The following FHIT variants were observed in gnomAD, a reference collection of about 807,000 sequenced individuals.
FHIT encodes bis(5'-adenosyl)-triphosphatase.
FHIT carries 19 observed loss-of-function variants against 17.9 expected under a neutral mutation model. That is an observed-to-expected ratio of 1.06 (90% confidence interval 0.74 to 1.56). The LOEUF is 1.56. Among genes scored for constraint, FHIT ranks in the 40% most tolerant of loss-of-function variants. The probability of loss-of-function intolerance (pLI) is 0.00; values close to 1 mark genes in which losing one functional copy is unlikely to be tolerated. For missense variants in FHIT, 248 were observed against 189.2 expected (o/e 1.31, Z -1.82); for synonymous variants, 81 against 69.7 (o/e 1.16, Z -0.81).
rs138354814 is a variant in FHIT at position 60,416,398 on chromosome 3, G to A, written c.103+120462C>T. The stretch of plus-strand genomic sequence containing the variant: ...TTCTACACTCAGTAGAACAGATTTC[G>A]GTAACCTTTTCCTGTAAAGGGACAA... On this transcript the variant is annotated intron_variant, in intron 5 of 9. Coordinates refer to ENST00000492590, the MANE Select transcript of FHIT (RefSeq NM_002012.4). 6.6e-3 allele frequency among the ~76,000 whole-genome samples: 997 copies of A among 152,150 alleles called. 13 individuals carry two copies. Among genetic ancestry groups the A allele is most frequent in the Middle Eastern group, 0.017 (5 of 294 alleles).
chr3:60,169,967 TGGAA>T (rs1434199471), intron 5 of FHIT, among the ~76,000 whole-genome samples: 1 of 152,180 alleles, frequency 6.6e-6, no homozygotes, highest in Non-Finnish European at 1.5e-5. Context: ...ATGTAGCACA[TGGAA>T]TGGACCTCTG....
At chr3:60,205,159 G>T (rs1703114781) in intron 5 of FHIT, among the ~76,000 whole-genome samples, 1 of 151,874 alleles carries the variant, frequency 6.6e-6, no homozygotes, top group Admixed American at 6.6e-5. Context: ...CCACACAAAG[G>T]CTGGATCCCA....
At chr3:60,293,295 T>G (rs544902229) in intron 5 of FHIT, among the ~76,000 whole-genome samples, 1 of 152,288 alleles carries the variant, frequency 6.6e-6, no homozygotes, top group South Asian at 2.1e-4. Context: ...AGTAATAGAT[T>G]ACTCATGTCT....
intron 1 of FHIT, among the ~76,000 whole-genome samples, chr3:61,246,664 G>A (rs2040493653): frequency 6.6e-6 from 1 of 151,938 alleles, no homozygotes; most frequent in South Asian, 2.1e-4. Context: ...ATGGACACAG[G>A]GAGGGGAACA....
intron 8 of FHIT, among the ~76,000 whole-genome samples, chr3:59,810,539 C>T (rs1045535642): frequency 2.2e-4 from 34 of 152,178 alleles, no homozygotes; most frequent in African/African-American, 7.0e-4. Flanking sequence ...ACTTACCAAA[C>T]GAGTACATTT....
chr3:60,798,972 G>T (rs1701090784), intron 4 of FHIT, among the ~76,000 whole-genome samples: 1 of 151,892 alleles, frequency 6.6e-6, no homozygotes, highest in Non-Finnish European at 1.5e-5. Context: ...CTCCCAAAAT[G>T]TTGGGATTAC....
chr3:60,537,330 T>C (rs1292425709), intron 4 of FHIT: 2 of 272,192 alleles, frequency 7.3e-6, no homozygotes, highest in Non-Finnish European at 1.1e-5. Context: ...CCATCTATTT[T>C]GTCATGTCTG....
chr3:60,149,311 T>C (rs933375582), intron 5 of FHIT, among the ~76,000 whole-genome samples: 2 of 150,920 alleles, frequency 1.3e-5, no homozygotes, highest in Admixed American at 6.6e-5. Flanking sequence ...CCAGCAGAAA[T>C]AGAATAGTGT....
chr3:60,125,406 C>T (rs566919090), intron 5 of FHIT, among the ~76,000 whole-genome samples: 1 of 152,076 alleles, frequency 6.6e-6, no homozygotes, highest in South Asian at 2.1e-4. Flanking sequence ...CTGAGGCGGT[C>T]GGATCGCCTG....
chr3:60,555,844 G>C (rs1419823892), intron 4 of FHIT, among the ~76,000 whole-genome samples: 4 of 152,164 alleles, frequency 2.6e-5, no homozygotes, highest in Admixed American at 2.0e-4. Flanking sequence ...GTTCAGGCCA[G>C]GTGGGACATT....
At chr3:60,085,443 G>C (rs986651) in intron 5 of FHIT, among the ~76,000 whole-genome samples, 144,613 of 152,278 alleles carry the variant, frequency 0.95, 68,739 homozygotes, top group African/African-American at 0.99. Context: ...ATCACTAACT[G>C]ATGCATGTGT....
intron 5 of FHIT, among the ~76,000 whole-genome samples, chr3:60,231,137 C>T (rs1704475709): frequency 3.9e-5 from 6 of 152,190 alleles, no homozygotes; most frequent in Admixed American, 3.9e-4. Flanking sequence ...CTGAGCCATG[C>T]TCATATTTGT....
Position 60,906,786 on chromosome 3 carries a change from G to T in FHIT, c.-110-84775C>A, listed in dbSNP as rs189219715. ...TTATAATTTGTGTATTTTTTTGTAG[G>T]TATGCTGTATTTCAATATGAAATGT... On this transcript the variant is annotated intron_variant, in intron 3 of 9. Coordinates refer to ENST00000492590, the MANE Select transcript of FHIT (RefSeq NM_002012.4). Among the ~76,000 whole-genome samples, 9 of 152,224 alleles carry T rather than the reference G, an allele frequency of 5.9e-5. 1 individual carries two copies. Among genetic ancestry groups the T allele is most frequent in the Admixed American group, 2.6e-4 (4 of 15,278 alleles).
chr3:60,287,821 G>GA (rs56400842), intron 5 of FHIT, among the ~76,000 whole-genome samples: 1 of 152,192 alleles, frequency 6.6e-6, no homozygotes, highest in Non-Finnish European at 1.5e-5. Flanking sequence ...ATCAGCACCA[G>GA]TGGGTTCCCA....
chr3:60,568,297 A>G (rs984844383), intron 4 of FHIT, among the ~76,000 whole-genome samples: 1 of 152,134 alleles, frequency 6.6e-6, no homozygotes, highest in Non-Finnish European at 1.5e-5. Flanking sequence ...ATGAGTTCAT[A>G]TCCTTTATAG....
At chr3:59,924,738 C>T (rs140484069) in intron 7 of FHIT, among the ~76,000 whole-genome samples, 161 of 152,324 alleles carry the variant, frequency 1.1e-3, no homozygotes, top group African/African-American at 3.8e-3. Flanking sequence ...GTTCAAGCAT[C>T]TCTTTTGTGA....
At position 60,522,562 on chromosome 3, in the gene FHIT, C is replaced by G. The variant is rs145712405; in HGVS notation, c.103+14298G>C. ...ATAAACAAGGAAACCTGAGAGCTCA[C>G]TGCACCCAGTTCAGACAAGATTTGG... On this transcript the variant is annotated intron_variant, in intron 5 of 9. Transcript: ENST00000492590. Among the ~76,000 whole-genome samples, 57 of 152,296 alleles carry G rather than the reference C, an allele frequency of 3.7e-4. No individual in the cohort carries two copies. In the East Asian group the frequency reaches 9.6e-3, roughly 26 times the overall value.
chr3:60,102,555 GA>G (rs932285083), intron 5 of FHIT, among the ~76,000 whole-genome samples: 6 of 151,828 alleles, frequency 4.0e-5, no homozygotes, highest in African/African-American at 1.5e-4. Context: ...ATCTCCCCAA[GA>G]AGGCACAAAG....
At chr3:59,773,559 C>T (rs1034639174) in intron 8 of FHIT, among the ~76,000 whole-genome samples, 1 of 152,162 alleles carries the variant, frequency 6.6e-6, no homozygotes, top group Non-Finnish European at 1.5e-5. Context: ...CTCCTTCTCA[C>T]CCTCTGGGTC....
Sources: allele counts gnomAD v4.1 joint callset (sites outside exome capture counted in the v4.1 genomes callset), GRCh38; gene constraint gnomAD v4.1.1; transcripts MANE v1.5; gene names NCBI Gene and HGNC (gene_info 2026-07-23, HGNC 2026-07-21).